ASIC2: variants seen among roughly 807,000 people sequenced by gnomAD.
ASIC2 encodes the protein acid sensing ion channel subunit 2, also known as acid-sensing ion channel 2.
A neutral mutation model predicts 57.3 loss-of-function variants in ASIC2; 25 were observed. The observed-to-expected ratio is 0.44, with a 90% CI of 0.32 to 0.61. The LOEUF (loss-of-function observed/expected upper bound fraction) is 0.61. Among genes scored for constraint, ASIC2 ranks in the 20% least tolerant of loss-of-function variants. The pLI is 0.06. For synonymous variants in ASIC2, 319 were observed against 307.5 expected (o/e 1.04, Z -0.39); for missense variants, 641 against 738.1 (o/e 0.87, Z 1.52).
chr17:33,931,531 G>A (rs1310625534), intron 1 of ASIC2, among the ~76,000 whole-genome samples: 1 of 152,216 alleles, frequency 6.6e-6, no homozygotes, highest in African/African-American at 2.4e-5. Context: ...GACAATATGA[G>A]GGGTGGTCTC....
chr17:33,987,443 C>T (rs1034136189), intron 1 of ASIC2, among the ~76,000 whole-genome samples: 1 of 152,202 alleles, frequency 6.6e-6, no homozygotes, highest in African/African-American at 2.4e-5. Flanking sequence ...ACAGCTTCCC[C>T]AGATGATCCA....
intron 1 of ASIC2, among the ~76,000 whole-genome samples, chr17:34,131,919 G>C (rs756052176): frequency 3.3e-5 from 5 of 152,192 alleles, no homozygotes; most frequent in Admixed American, 2.6e-4. Flanking sequence ...TTCTCTGAGG[G>C]ACATTTAGGA....
At chr17:34,029,441 G>A (rs1036424644) in intron 1 of ASIC2, among the ~76,000 whole-genome samples, 1 of 150,982 alleles carries the variant, frequency 6.6e-6, no homozygotes, top group Non-Finnish European at 1.5e-5. Flanking sequence ...AGTGGGTACA[G>A]CCCTTCATAG....
At chr17:33,353,735 T>A (rs1295708358) in intron 1 of ASIC2, among the ~76,000 whole-genome samples, 3 of 152,112 alleles carry the variant, frequency 2.0e-5, no homozygotes, top group Admixed American at 6.5e-5. Flanking sequence ...GTCCCATAGG[T>A]CTTGGAACCA....
chr17:33,764,406 T>A (rs1352249807), intron 1 of ASIC2, among the ~76,000 whole-genome samples: 1 of 151,952 alleles, frequency 6.6e-6, no homozygotes, highest in Non-Finnish European at 1.5e-5. Context: ...GGTGTGTTAG[T>A]CTATATTCTC....
At chr17:33,057,082 G>A (rs2092001074) in intron 3 of ASIC2, among the ~76,000 whole-genome samples, 1 of 152,114 alleles carries the variant, frequency 6.6e-6, no homozygotes, top group Non-Finnish European at 1.5e-5. Context: ...GCTAAATTAG[G>A]GCTGTCTGCT....
intron 2 of ASIC2, among the ~76,000 whole-genome samples, chr17:33,103,909 G>T (rs1417737677): frequency 6.6e-6 from 1 of 152,154 alleles, no homozygotes; most frequent in African/African-American, 2.4e-5. Flanking sequence ...GGGCCTAATA[G>T]TTCCTTTTGT....
At chr17:33,826,252 A>G (rs1049169080) in intron 1 of ASIC2, among the ~76,000 whole-genome samples, 3 of 152,240 alleles carry the variant, frequency 2.0e-5, no homozygotes, top group African/African-American at 7.2e-5. Context: ...CAGTGGTCCC[A>G]TAGAGCTTAC....
chr17:33,102,968 A>G (rs961694811), intron 2 of ASIC2, among the ~76,000 whole-genome samples: 3 of 152,102 alleles, frequency 2.0e-5, no homozygotes, highest in Admixed American at 2.0e-4. Context: ...TATTTTCAGT[A>G]GAGACAGGGT....
At chr17:33,607,162 G>A (rs1905252100) in intron 1 of ASIC2, among the ~76,000 whole-genome samples, 1 of 152,152 alleles carries the variant, frequency 6.6e-6, no homozygotes, top group South Asian at 2.1e-4. Flanking sequence ...GGAACAGCCT[G>A]AGCATGTTTT....
intron 1 of ASIC2, among the ~76,000 whole-genome samples, chr17:33,574,626 T>C (rs7212999): frequency 0.23 from 34,450 of 152,108 alleles, 4,162 homozygotes; most frequent in South Asian, 0.35. Context: ...CCCTGGGGAG[T>C]AAAACTGCCC....
At chr17:33,475,133 CTCTT>C (rs1913177556) in intron 1 of ASIC2, among the ~76,000 whole-genome samples, 1 of 151,968 alleles carries the variant, frequency 6.6e-6, no homozygotes, top group Non-Finnish European at 1.5e-5. Context: ...GCCTGAGACA[CTCTT>C]TCCCCTCCTC....
At position 34,140,970 on chromosome 17, in the gene ASIC2, T is replaced by C. The variant is rs181594302; in HGVS notation, c.555+15008A>G. On this transcript the variant is annotated intron_variant, in intron 1 of 9. Transcript: ENST00000359872. ...AAGTATCTCCCCAGAAGAGACACCTTCATCAAGTGATAAAACACTATCAGT... is the reference window on the plus strand; with the variant it reads ...AAGTATCTCCCCAGAAGAGACACCTCCATCAAGTGATAAAACACTATCAGT... Among the ~76,000 whole-genome samples, 114 of 152,284 alleles carry C rather than the reference T, an allele frequency of 7.5e-4. No individual in the cohort carries two copies. The Middle Eastern group carries it at 0.017, about 23-fold the overall frequency.
At chr17:34,145,405 TAA>T (rs1485215011) in intron 1 of ASIC2, among the ~76,000 whole-genome samples, 3 of 152,266 alleles carry the variant, frequency 2.0e-5, no homozygotes, top group Admixed American at 2.0e-4. Context: ...AGGAAGGAAA[TAA>T]AGACTCTCAG....
chr17:33,292,940 G>T lies in ASIC2; in HGVS notation c.-825C>A. The T allele has an allele frequency of 2.0e-6, 2 of 985,526 alleles. No homozygotes were observed. Among genetic ancestry groups the T allele is most frequent in the Non-Finnish European group, 2.4e-6 (2 of 829,990 alleles). 61.0% of individuals were successfully genotyped at this position (985,526 alleles called of 1,614,324 possible). On this transcript the variant is annotated 5_prime_UTR_variant, in exon 1 of 10. Coordinates refer to ENST00000225823, the MANE Select transcript of ASIC2 (RefSeq NM_183377.2). Reference sequence around the variant, plus strand: ...CTGTTCGCCGCCGGGGTCCTTCAAGGATGCTAGCCGCAGGGAAGTGTCGCT... The same window carrying T: ...CTGTTCGCCGCCGGGGTCCTTCAAGTATGCTAGCCGCAGGGAAGTGTCGCT...
chr17:33,595,420 T>G (rs1295098211), intron 1 of ASIC2, among the ~76,000 whole-genome samples: 3 of 152,218 alleles, frequency 2.0e-5, no homozygotes, highest in African/African-American at 7.2e-5. Context: ...AGCCCGGTTG[T>G]TCTAAGGCAC....
Position 34,156,583 on chromosome 17 carries a change from G to T in ASIC2, c.-51C>A. The stretch of plus-strand genomic sequence containing the variant: ...GGCTTCAGGTTGATCGAATTTCAGA[G>T]AAGAGCTCCCAGTCCTCGGGCTCTG... On this transcript the variant is annotated 5_prime_UTR_variant, in exon 1 of 10. Coordinates refer to the ASIC2 transcript ENST00000359872. The surrounding 1 kb of genome is among the most constrained non-coding windows in gnomAD (Gnocchi z 4.4). 6.6e-7 allele frequency: 1 copy of T among 1,520,446 alleles called. No homozygotes were observed. The highest frequency in any genetic ancestry group is 1.3e-5 in the South Asian group (1 of 77,212). The allele number at this position is 1,520,446 out of a possible 1,614,324, so 94.2% of individuals were successfully genotyped here.
At chr17:33,488,832 T>G (rs1913659519) in intron 1 of ASIC2, among the ~76,000 whole-genome samples, 1 of 152,074 alleles carries the variant, frequency 6.6e-6, no homozygotes, top group Non-Finnish European at 1.5e-5. Flanking sequence ...TGCCCTTTTT[T>G]CAGTCCTAAT....
chr17:33,086,686 C>A (rs540449603), intron 3 of ASIC2, among the ~76,000 whole-genome samples: 1 of 152,218 alleles, frequency 6.6e-6, no homozygotes, highest in African/African-American at 2.4e-5. Context: ...CCCTAGAATA[C>A]CTCTATCCCC....
Sources: gnomAD v4.1 joint callset for allele counts (sites outside exome capture counted in the v4.1 genomes callset) on GRCh38, gnomAD v4.1.1 for gene constraint, Gnocchi (gnomAD v3.1) non-coding constraint, MANE v1.5 for transcripts, NCBI Gene and HGNC (gene_info 2026-07-23, HGNC 2026-07-21) for gene names.